HAUS2: variants seen among roughly 807,000 people sequenced by gnomAD.
HAUS2 encodes HAUS augmin like complex subunit 2.
A neutral mutation model predicts 21.6 loss-of-function variants in HAUS2; 20 were observed. The observed-to-expected ratio is 0.93, with a 90% CI of 0.65 to 1.35. The LOEUF (loss-of-function observed/expected upper bound fraction) is 1.35, where lower values mean the gene tolerates loss of function less well. Among genes scored for constraint, HAUS2 ranks in the 40% most tolerant of loss-of-function variants. The pLI is 0.00. For missense variants in HAUS2, 297 were observed against 280.7 expected (o/e 1.06, Z -0.42); for synonymous variants, 113 against 95.6 (o/e 1.18, Z -1.06).
rs2057684475 is a variant in HAUS2 at position 42,548,855 on chromosome 15, G to A, written c.-18G>A. 3 of 1,540,170 alleles carry A rather than the reference G, an allele frequency of 1.9e-6. No homozygotes were observed. The highest frequency in any genetic ancestry group is 2.6e-6 in the Non-Finnish European group (3 of 1,139,440). ...TCCCGCTCACTCTTGGCGCCTTCGC[G>A]GAAGGTGCGTCCGAGCCATGGCCGC... On this transcript the variant is annotated 5_prime_UTR_variant, in exon 1 of 6. Coordinates refer to ENST00000260372, the MANE Select transcript of HAUS2 (RefSeq NM_018097.3).
chr15:42,555,110 C>T (rs1479158580), intron 1 of HAUS2, among the ~76,000 whole-genome samples: 2 of 151,916 alleles, frequency 1.3e-5, no homozygotes, highest in Admixed American at 1.3e-4. Context: ...CTGTCACAGC[C>T]TCCCGAGTAG....
At chr15:42,552,877 G>A in intron 1 of HAUS2, among the ~76,000 whole-genome samples, 1 of 151,914 alleles carries the variant, frequency 6.6e-6, no homozygotes, top group South Asian at 2.1e-4. Context: ...CCCTTTTAAT[G>A]TCCCTCAGCT....
At chr15:42,555,277 C>T (rs902612788) in intron 1 of HAUS2, among the ~76,000 whole-genome samples, 1 of 151,826 alleles carries the variant, frequency 6.6e-6, no homozygotes, top group Non-Finnish European at 1.5e-5. Flanking sequence ...TGAGCCACGG[C>T]GCCCGGCTGC....
At chr15:42,557,445 A>G (rs867790728) in intron 1 of HAUS2, among the ~76,000 whole-genome samples, 5 of 131,886 alleles carry the variant, frequency 3.8e-5, no homozygotes, top group Non-Finnish European at 4.8e-5. Flanking sequence ...AATGTATATT[A>G]TATATAATAT....
intron 5 of HAUS2, 40 bp from the exon 6 acceptor site, chr15:42,566,567 G>A (rs2057908968): frequency 9.5e-7 from 1 of 1,052,136 alleles, no homozygotes; most frequent in Non-Finnish European, 1.5e-6. Flanking sequence ...GAATTAATAA[G>A]AGACATAATT....
intron 4 of HAUS2, among the ~76,000 whole-genome samples, 185 bp from the exon 5 acceptor site, chr15:42,563,564 T>TA (rs1344869270): frequency 6.6e-6 from 1 of 152,178 alleles, no homozygotes; most frequent in African/African-American, 2.4e-5. Context: ...ACAAGTTGCT[T>TA]AAAGTGAAAG....
At chr15:42,565,559 C>T (rs2057897991) in intron 5 of HAUS2, among the ~76,000 whole-genome samples, 1 of 152,042 alleles carries the variant, frequency 6.6e-6, no homozygotes, top group Admixed American at 6.6e-5. Flanking sequence ...ATCAACATCA[C>T]TTGGAAGCTT....
chr15:42,556,503 G>C (rs12438021), intron 1 of HAUS2, among the ~76,000 whole-genome samples: 17,495 of 151,204 alleles, frequency 0.12, 1,137 homozygotes, highest in Non-Finnish European at 0.15. Flanking sequence ...GACCTCAAAT[G>C]ATCTACCCAC....
chr15:42,559,202 T>A, intron 2 of HAUS2, 137 bp from the exon 3 acceptor site: 1 of 513,562 alleles, frequency 1.9e-6, no homozygotes, highest in East Asian at 3.7e-5. Context: ...TGGCACAATC[T>A]CGGCTCACTA....
intron 4 of HAUS2, among the ~76,000 whole-genome samples, chr15:42,562,441 C>T (rs879461575): frequency 7.9e-5 from 12 of 152,112 alleles, no homozygotes; most frequent in East Asian, 1.9e-4. Flanking sequence ...CCAAAACATA[C>T]GAAATATGCT....
chr15:42,560,411 A>AG (rs1491158367), intron 3 of HAUS2, among the ~76,000 whole-genome samples: 11 of 151,638 alleles, frequency 7.3e-5, no homozygotes, highest in African/African-American at 2.4e-4. Context: ...AGAGAGAGAG[A>AG]AGAGAGAGAA....
At chr15:42,557,891 C>G (rs1263560789) in intron 1 of HAUS2, among the ~76,000 whole-genome samples, 1 of 152,024 alleles carries the variant, frequency 6.6e-6, no homozygotes, top group Non-Finnish European at 1.5e-5. Context: ...ACAAATTTAG[C>G]CTTTGAATCC....
At chr15:42,558,743 A>G (rs1482377812) in intron 2 of HAUS2, among the ~76,000 whole-genome samples, 1 of 152,006 alleles carries the variant, frequency 6.6e-6, no homozygotes, top group East Asian at 2.0e-4. Flanking sequence ...GGACTGCTTG[A>G]GCCCAGGAGT....
At chr15:42,549,587 C>T (rs2057699027) in intron 1 of HAUS2, among the ~76,000 whole-genome samples, 1 of 151,410 alleles carries the variant, frequency 6.6e-6, no homozygotes, top group South Asian at 2.1e-4. Context: ...GCTGGGACTA[C>T]AGGCGCCCAC....
Position 42,559,334 on chromosome 15 carries a change from T to C in HAUS2, c.187-5T>C, listed in dbSNP as rs760899448. The stretch of plus-strand genomic sequence containing the variant: ...AGCTAAATGTTACTTTTGTTCCTCA[T>C]GTAGAAAAACCTGGAAATTGAACTC... On this transcript the variant is annotated splice_polypyrimidine_tract_variant and splice_region_variant and intron_variant, in intron 2 of 5. Transcript: ENST00000260372. 4.5e-6 allele frequency: 7 copies of C among 1,567,260 alleles called. No individual in the cohort carries two copies. In the Admixed American group the frequency reaches 1.2e-4, roughly 26 times the overall value.
In HAUS2 at chr15:42,568,247, CA is replaced by C. The variant is rs1258103851; in HGVS notation, c.*1434del. 1 of 152,166 alleles carries C rather than the reference CA, an allele frequency of 6.6e-6. No homozygotes were observed. The highest frequency in any genetic ancestry group is 1.9e-4 in the East Asian group (1 of 5,192). The allele number at this position is 152,166 out of a possible 1,614,324, so 9.4% of individuals were successfully genotyped here. ...GTTCTGCTGTCATAACAGAATTACACAAACTAAGTATTTTATAATGAACAGA... is the reference window on the plus strand; with the variant it reads ...GTTCTGCTGTCATAACAGAATTACACAACTAAGTATTTTATAATGAACAGA... On this transcript the variant is annotated 3_prime_UTR_variant, in exon 6 of 6. Transcript: ENST00000260372.
intron 1 of HAUS2, among the ~76,000 whole-genome samples, chr15:42,553,668 G>C (rs1288823525): frequency 6.6e-6 from 1 of 151,672 alleles, no homozygotes; most frequent in Non-Finnish European, 1.5e-5. Context: ...TTTTCCTCTG[G>C]TTTCTCTTGC....
chr15:42,552,534 T>C (rs1010280861), intron 1 of HAUS2, among the ~76,000 whole-genome samples: 1 of 152,190 alleles, frequency 6.6e-6, no homozygotes, highest in Non-Finnish European at 1.5e-5. Context: ...ACATAGCTTG[T>C]TTGAAGTTTT....
chr15:42,559,529 C>A, intron 3 of HAUS2, 121 bp downstream of exon 3: 2 of 647,942 alleles, frequency 3.1e-6, no homozygotes, highest in Non-Finnish European at 5.6e-6. Flanking sequence ...TGTCCCAAAG[C>A]TAATGAAATC....
Sources: allele counts gnomAD v4.1 joint callset (sites outside exome capture counted in the v4.1 genomes callset), GRCh38; gene constraint gnomAD v4.1.1; transcripts MANE v1.5; gene names NCBI Gene and HGNC (gene_info 2026-07-23, HGNC 2026-07-21).